The following PFKFB3 variants were observed in gnomAD, a reference collection of about 807,000 sequenced individuals.
PFKFB3 encodes the protein 6-phosphofructo-2-kinase/fructose-2,6-bisphosphatase 3.
A neutral mutation model predicts 68.0 loss-of-function variants in PFKFB3; 33 were observed. The observed-to-expected ratio is 0.49, with a 90% CI of 0.37 to 0.65. The LOEUF (loss-of-function observed/expected upper bound fraction) is 0.65, where lower values mean the gene tolerates loss of function less well. Ranked by LOEUF, PFKFB3 falls within the 30% of genes least tolerant of loss-of-function variation. The pLI, the probability that PFKFB3 is intolerant of heterozygous loss-of-function variation, is 0.00. For synonymous variants in PFKFB3, 315 were observed against 288.2 expected (o/e 1.09, Z -0.94); for missense variants, 586 against 712.2 (o/e 0.82, Z 2.02).
intron 1 of PFKFB3, among the ~76,000 whole-genome samples, chr10:6,178,857 C>T (rs920466305): frequency 1.2e-4 from 19 of 152,214 alleles, no homozygotes; most frequent in South Asian, 2.1e-4. Flanking sequence ...CGGGACGCAG[C>T]GCACTGGTCC....
the PFKFB3 span, among the ~76,000 whole-genome samples, chr10:6,315,370 C>T: frequency 6.6e-6 from 1 of 152,318 alleles, no homozygotes; most frequent in Non-Finnish European, 1.5e-5. Flanking sequence ...AAAGCGAAAG[C>T]AAGTTTATTA....
the PFKFB3 span, chr10:6,326,569 T>G: frequency 2.2e-6 from 1 of 455,564 alleles, no homozygotes; most frequent in Admixed American, 2.4e-5. Flanking sequence ...AGTAAGGAGC[T>G]CCACCGTGAC....
In PFKFB3 at chr10:6,163,753, A is replaced by G. The variant is rs556896623; in HGVS notation, c.16+18740A>G. The G allele has an allele frequency of 1.7e-4, 26 of 151,702 alleles. 1 individual carries two copies. In the East Asian group the frequency reaches 4.9e-3, roughly 29 times the overall value. The allele number at this position is 151,702 out of a possible 1,614,324, so 9.4% of individuals were successfully genotyped here. On this transcript the variant is annotated intron_variant, in intron 1 of 14. Transcript: ENST00000379789. ...GCGGATTGGCTGCTGCCTGCGGCGCACGAGCCGGTCAGCGCGCACCCCGCC... is the reference window on the plus strand; with the variant it reads ...GCGGATTGGCTGCTGCCTGCGGCGCGCGAGCCGGTCAGCGCGCACCCCGCC...
Position 6,155,972 on chromosome 10 carries a change from C to T in PFKFB3, c.16+10959C>T, listed in dbSNP as rs532516504. Among the ~76,000 whole-genome samples the T allele has an allele frequency of 6.6e-5, 10 of 152,210 alleles. No individual in the cohort carries two copies. The South Asian group carries it at 1.5e-3, about 22-fold the overall frequency. On this transcript the variant is annotated intron_variant, in intron 1 of 14. Coordinates refer to the PFKFB3 transcript ENST00000379789. Reference sequence around the variant, plus strand: ...GGAGATATGTTCTACATGCACATAGCGAACATCCTACCCAATAGGCAGTTT... The same window carrying T: ...GGAGATATGTTCTACATGCACATAGTGAACATCCTACCCAATAGGCAGTTT...
intron 1 of PFKFB3, among the ~76,000 whole-genome samples, chr10:6,167,217 T>C (rs1189965492): frequency 2.0e-5 from 3 of 152,244 alleles, no homozygotes; most frequent in African/African-American, 4.8e-5. Flanking sequence ...AGCTGAGGAC[T>C]GGAGGAGTGA....
chr10:6,146,189 C>T, intron 1 of PFKFB3: 1 of 1,405,792 alleles, frequency 7.1e-7, no homozygotes, highest in African/African-American at 1.4e-5. Flanking sequence ...GCTGTGCCGT[C>T]TCTCCCTTCC....
chr10:6,262,071 T>C, the PFKFB3 span, among the ~76,000 whole-genome samples: 2 of 149,404 alleles, frequency 1.3e-5, no homozygotes, highest in Non-Finnish European at 3.0e-5. Context: ...ACCTGGGTGA[T>C]GAAATAATCT....
chr10:6,276,522 A>C, the PFKFB3 span, among the ~76,000 whole-genome samples: 1 of 152,308 alleles, frequency 6.6e-6, no homozygotes, highest in East Asian at 1.9e-4. Context: ...ACTACTAGCT[A>C]CAATAACTCC....
chr10:6,166,286 T>C (rs923410760), intron 1 of PFKFB3, among the ~76,000 whole-genome samples: 1 of 151,760 alleles, frequency 6.6e-6, no homozygotes, highest in Non-Finnish European at 1.5e-5. Context: ...AGAGATGGGG[T>C]TTCGTCATTT....
the PFKFB3 span, among the ~76,000 whole-genome samples, chr10:6,272,359 A>G: frequency 6.6e-6 from 1 of 152,290 alleles, no homozygotes; most frequent in East Asian, 1.9e-4. Flanking sequence ...CTAAACCCTG[A>G]ATGATGCCTT....
chr10:6,239,521 C>T (rs192503032), downstream of PFKFB3, among the ~76,000 whole-genome samples: 97 of 152,258 alleles, frequency 6.4e-4, no homozygotes, highest in Middle Eastern at 0.014. Flanking sequence ...AGTGTCCAGA[C>T]GAACAACAGA....
chr10:6,190,037 G>A (rs546085615), intron 1 of PFKFB3, among the ~76,000 whole-genome samples: 18 of 150,566 alleles, frequency 1.2e-4, no homozygotes, highest in Non-Finnish European at 1.8e-4. Flanking sequence ...TCTGCCTTCC[G>A]GGTTCAAGTG....
chr10:6,292,138 G>C, the PFKFB3 span, among the ~76,000 whole-genome samples: 1 of 149,994 alleles, frequency 6.7e-6, no homozygotes, highest in Non-Finnish European at 1.5e-5. Context: ...ATTTTTAGTA[G>C]AGACAGGTTT....
In PFKFB3 at chr10:6,217,146, C is replaced by T. The variant is rs754555836; in HGVS notation, c.453C>T (p.Ile151=). ...CTCACTTCCACCAGGCGTTTTTCAT[C>T]GAGTCGGTGTGCGACGACCCTACAG... ...AKENDFKAFF[I]ESVCDDPTVV... The change falls in exon 6 of 15, where the codon ATC becomes ATT. Residue 151 remains isoleucine (I), a synonymous_variant. Coordinates refer to ENST00000379775, the MANE Select transcript of PFKFB3 (RefSeq NM_004566.4). The T allele has an allele frequency of 9.9e-6, 16 of 1,614,120 alleles. No homozygotes were observed. The Middle Eastern group carries it at 5.0e-4, about 50-fold the overall frequency.
At chr10:6,169,571 G>A (rs1439525688) in intron 1 of PFKFB3, among the ~76,000 whole-genome samples, 1 of 152,260 alleles carries the variant, frequency 6.6e-6, no homozygotes, top group East Asian at 1.9e-4. Context: ...GGGATAAGAT[G>A]GGTATGAACT....
intron 14 of PFKFB3, among the ~76,000 whole-genome samples, chr10:6,232,035 C>T (rs1329606973): frequency 6.6e-6 from 1 of 152,258 alleles, no homozygotes; most frequent in Non-Finnish European, 1.5e-5. Flanking sequence ...GTGGGGTGGG[C>T]ATGGGCCACG....
chr10:6,325,721 A>C, the PFKFB3 span, among the ~76,000 whole-genome samples: 2 of 152,236 alleles, frequency 1.3e-5, no homozygotes, highest in South Asian at 4.1e-4. Flanking sequence ...GTATAAAGCA[A>C]TGGGATATAA....
intron 1 of PFKFB3, among the ~76,000 whole-genome samples, chr10:6,157,395 T>G (rs1588392378): frequency 6.6e-6 from 1 of 152,014 alleles, no homozygotes; most frequent in African/African-American, 2.4e-5. Flanking sequence ...CCCAGCTAAT[T>G]TTTTGTATTT....
chr10:6,254,808 C>CTTTTTT (rs144888417), downstream of PFKFB3, among the ~76,000 whole-genome samples: 593 of 61,638 alleles, frequency 9.6e-3, 111 homozygotes, highest in Non-Finnish European at 0.012. Context: ...TTTTTCTGTT[C>CTTTTTT]TTTTTTTTTT....
Sources: gnomAD v4.1 joint callset for allele counts (sites outside exome capture counted in the v4.1 genomes callset) on GRCh38, gnomAD v4.1.1 for gene constraint, MANE v1.5 for transcripts, NCBI Gene and HGNC (gene_info 2026-07-23, HGNC 2026-07-21) for gene names.